The following FAM107B variants were observed in gnomAD, a reference collection of about 807,000 sequenced individuals.
FAM107B encodes family with sequence similarity 107 member B.
FAM107B carries 21 observed loss-of-function variants against 31.5 expected under a neutral mutation model. That is an observed-to-expected ratio of 0.67 (90% CI 0.47 to 0.96). The LOEUF (loss-of-function observed/expected upper bound fraction) is 0.96. Ranked by LOEUF, FAM107B falls within the 40% of genes least tolerant of loss-of-function variation. FAM107B has a pLI of 0.00. For synonymous variants in FAM107B, 157 were observed against 141.5 expected (o/e 1.11, Z -0.78); for missense variants, 452 against 377.1 (o/e 1.20, Z -1.64).
intron 1 of FAM107B, among the ~76,000 whole-genome samples, chr10:14,747,615 A>C (rs902646513): frequency 6.6e-6 from 1 of 152,132 alleles, no homozygotes; most frequent in African/African-American, 2.4e-5. Flanking sequence ...TTCCTCCCAC[A>C]CCTGGAGGTG....
chr10:14,738,474 A>G (rs1856360994), intron 1 of FAM107B, among the ~76,000 whole-genome samples: 1 of 152,206 alleles, frequency 6.6e-6, no homozygotes, highest in Non-Finnish European at 1.5e-5. Flanking sequence ...GAACCTCCTT[A>G]GGGCTCTTTA....
At chr10:14,727,197 C>T (rs1401426399) in intron 1 of FAM107B, among the ~76,000 whole-genome samples, 1 of 152,182 alleles carries the variant, frequency 6.6e-6, no homozygotes, top group African/African-American at 2.4e-5. Flanking sequence ...TTCACTCACT[C>T]TCCCACTGCT....
chr10:14,613,862 G>A (rs1852786336), intron 2 of FAM107B, among the ~76,000 whole-genome samples: 1 of 152,152 alleles, frequency 6.6e-6, no homozygotes, highest in African/African-American at 2.4e-5. Flanking sequence ...TGGGGGCAGT[G>A]GCTCACACCT....
chr10:14,565,894 C>T (rs1326701283), intron 2 of FAM107B, among the ~76,000 whole-genome samples: 1 of 152,118 alleles, frequency 6.6e-6, no homozygotes, highest in Non-Finnish European at 1.5e-5. Context: ...AGTGGTAAAT[C>T]CCAGCTGGCA....
chr10:14,725,709 C>A (rs1263837125), intron 1 of FAM107B, among the ~76,000 whole-genome samples: 1 of 151,776 alleles, frequency 6.6e-6, no homozygotes, highest in Non-Finnish European at 1.5e-5. Flanking sequence ...TTTCTACCTT[C>A]ATGATCTTAT....
intron 2 of FAM107B, among the ~76,000 whole-genome samples, chr10:14,639,201 A>G (rs551973569): frequency 6.6e-6 from 1 of 152,194 alleles, no homozygotes; most frequent in East Asian, 1.9e-4. Context: ...TTCCAAAATA[A>G]TAATAATAAT....
chr10:14,617,783 C>G (rs1034198423), intron 2 of FAM107B, among the ~76,000 whole-genome samples: 2 of 146,814 alleles, frequency 1.4e-5, no homozygotes, highest in African/African-American at 5.0e-5. Flanking sequence ...AGGCCTGAGA[C>G]AGGCCCATGA....
intron 1 of FAM107B, among the ~76,000 whole-genome samples, chr10:14,668,208 A>AT (rs939535946): frequency 1.1e-4 from 17 of 151,600 alleles, no homozygotes; most frequent in African/African-American, 2.7e-4. Flanking sequence ...GGCCTGGCTG[A>AT]TTTTTTTTGT....
At chr10:14,652,505 T>A (rs1410021585) in intron 2 of FAM107B, among the ~76,000 whole-genome samples, 2 of 152,192 alleles carry the variant, frequency 1.3e-5, no homozygotes, top group East Asian at 3.8e-4. Context: ...GCAACCTTGG[T>A]TAAATTAACT....
intron 1 of FAM107B, among the ~76,000 whole-genome samples, chr10:14,685,147 T>TA (rs1854950279): frequency 6.8e-6 from 1 of 146,670 alleles, no homozygotes; most frequent in African/African-American, 2.5e-5. Flanking sequence ...CTTTTATTTT[T>TA]TTTTTTTTTT....
chr10:14,616,290 A>G (rs1400834389), intron 2 of FAM107B, among the ~76,000 whole-genome samples: 1 of 152,228 alleles, frequency 6.6e-6, no homozygotes, highest in Non-Finnish European at 1.5e-5. Flanking sequence ...TAGCAGTTCT[A>G]TGGAGCTACT....
Position 14,724,192 on chromosome 10 carries a change from G to C in FAM107B, c.411+50061C>G. ...TGTCTTATATTTAGCTCTAATATTT[G>C]TGTCTTATATTTAGGTCTTCTTTTG... On this transcript the variant is annotated intron_variant, in intron 1 of 4. Transcript: ENST00000181796. The C allele has an allele frequency of 2.8e-5, 12 of 421,454 alleles. No individual in the cohort carries two copies. In the East Asian group the frequency reaches 5.7e-4, roughly 20 times the overall value. The allele number at this position is 421,454 out of a possible 1,614,324, so 26.1% of individuals were successfully genotyped here.
intron 2 of FAM107B, among the ~76,000 whole-genome samples, chr10:14,558,113 T>G (rs1279354022): frequency 1.3e-5 from 2 of 152,242 alleles, no homozygotes; most frequent in Non-Finnish European, 2.9e-5. Context: ...CCTGGACTAC[T>G]CCATTAAATG....
chr10:14,613,817 G>T (rs368504096), intron 2 of FAM107B, among the ~76,000 whole-genome samples: 1 of 152,144 alleles, frequency 6.6e-6, no homozygotes, highest in Non-Finnish European at 1.5e-5. Context: ...AAAGCTGGAC[G>T]ACTGGCTTTT....
At chr10:14,572,456 C>T in intron 2 of FAM107B, 1 of 963,978 alleles carries the variant, frequency 1.0e-6, no homozygotes, top group Non-Finnish European at 1.2e-6. Flanking sequence ...ACACCTACAG[C>T]ATGGAGGCCT....
At chr10:14,543,691 T>TAA (rs11318873) in intron 2 of FAM107B, among the ~76,000 whole-genome samples, 1,437 of 138,758 alleles carry the variant, frequency 0.01, 13 homozygotes, top group East Asian at 0.036. Context: ...CTAAAAACTT[T>TAA]AAAAAAAAAA....
intron 1 of FAM107B, among the ~76,000 whole-genome samples, chr10:14,669,347 G>A (rs1248055749): frequency 1.6e-5 from 2 of 127,818 alleles, no homozygotes; most frequent in Admixed American, 1.9e-4. Context: ...TCCAGCCTGG[G>A]CCACAGAGCG....
rs549886416 is a variant in FAM107B at position 14,598,567 on chromosome 10, C to T, written c.470-68052G>A. Among the ~76,000 whole-genome samples, 16 of 152,178 alleles carry T rather than the reference C, an allele frequency of 1.1e-4. No individual in the cohort carries two copies. The South Asian group carries it at 3.3e-3, about 32-fold the overall frequency. On this transcript the variant is annotated intron_variant, in intron 2 of 4. Transcript: ENST00000181796. ...TGCAGTGGGGGAAAATGGGGAGTTA[C>T]CAATCAATGGGCCCAAGGTTTCAGT... is the stretch of plus-strand genomic sequence containing the variant.
chr10:14,732,240 C>T (rs774452492), intron 1 of FAM107B, among the ~76,000 whole-genome samples: 3 of 152,202 alleles, frequency 2.0e-5, no homozygotes, highest in East Asian at 3.8e-4. Flanking sequence ...CAGCAAGTAT[C>T]GACTAATTCC....
Sources: allele counts gnomAD v4.1 joint callset (sites outside exome capture counted in the v4.1 genomes callset), GRCh38; gene constraint gnomAD v4.1.1; transcripts MANE v1.5; gene names NCBI Gene and HGNC (gene_info 2026-07-23, HGNC 2026-07-21).